The following ABCC12 variants were observed in gnomAD, a reference collection of about 807,000 sequenced individuals.
The protein encoded by ABCC12 is ATP binding cassette subfamily C member 12, also known as ATP-binding cassette sub-family C member 12.
A neutral mutation model predicts 151.1 loss-of-function variants in ABCC12; 142 were observed. That is an observed-to-expected ratio of 0.94 (90% confidence interval 0.82 to 1.08). The LOEUF (loss-of-function observed/expected upper bound fraction) is 1.08. ABCC12 is among the 50% of genes least tolerant of loss of function. The pLI is 0.00. For missense variants in ABCC12, 1,638 were observed against 1,691.1 expected, an observed-to-expected ratio of 0.97 and a Z score of 0.55; for synonymous variants, 645 against 646.4, an observed-to-expected ratio of 1.00 and a Z score of 0.03.
chr16:48,149,148 A>G (rs1265029354), intron 2 of ABCC12, among the ~76,000 whole-genome samples: 1 of 151,932 alleles, frequency 6.6e-6, no homozygotes, highest in Non-Finnish European at 1.5e-5. Context: ...ATAAATTATA[A>G]CATTGTGTTA....
intron 2 of ABCC12, among the ~76,000 whole-genome samples, chr16:48,151,258 G>A (rs896469882): frequency 2.6e-5 from 4 of 152,176 alleles, no homozygotes; most frequent in South Asian, 2.1e-4. Flanking sequence ...TCATAACGCC[G>A]GTCTAATCAT....
rs566223098 is a variant in ABCC12 at position 48,114,600 on chromosome 16, C to A, written c.1989+815G>T. The stretch of plus-strand genomic sequence containing the variant: ...AATCTCTCGTCGGGCAAGGAGACAC[C>A]CACGTGCACGCATGAACACACACGT... On this transcript the variant is annotated intron_variant, in intron 15 of 30. Transcript: ENST00000311303. 2.0e-5 allele frequency among the ~76,000 whole-genome samples: 3 copies of A among 152,296 alleles called. No homozygotes were observed. In the East Asian group the frequency reaches 5.8e-4, roughly 29 times the overall value.
At position 48,111,670 on chromosome 16, in the gene ABCC12, C is replaced by G. The variant is rs765757219; in HGVS notation, c.2125-8G>C. 1 of 1,614,102 alleles carries G rather than the reference C, an allele frequency of 6.2e-7. No homozygotes were observed. Among genetic ancestry groups the G allele is most frequent in the Non-Finnish European group, 8.5e-7 (1 of 1,180,018 alleles). ...GTAAAGGTGTTCAGGATCCTGGAGA[C>G]AAAATGAAATTCCTTCTGAATGCTA... is the stretch of plus-strand genomic sequence containing the variant. On this transcript the variant is annotated splice_region_variant and splice_polypyrimidine_tract_variant and intron_variant, in intron 16 of 30. Transcript: ENST00000311303.
At chr16:48,119,778 G>T (rs1163453830) in intron 13 of ABCC12, among the ~76,000 whole-genome samples, 2 of 152,204 alleles carry the variant, frequency 1.3e-5, no homozygotes, top group Non-Finnish European at 2.9e-5. Context: ...GCATTGTGAT[G>T]CCTGGGAAGG....
At chr16:48,130,416 C>T (rs1296061530) in intron 10 of ABCC12, among the ~76,000 whole-genome samples, 2 of 152,192 alleles carry the variant, frequency 1.3e-5, no homozygotes, top group Non-Finnish European at 2.9e-5. Flanking sequence ...GGGACCCCAA[C>T]ATCCTCTTCA....
At position 48,117,286 on chromosome 16, in the gene ABCC12, T is replaced by C; in HGVS notation, c.1760A>G (p.Asn587Ser). Residue 587 changes from asparagine (N) to serine (S), a missense_variant, in exon 14 of 31, where the codon AAC (asparagine) becomes AGC (serine). Coordinates refer to ENST00000311303, the MANE Select transcript of ABCC12 (RefSeq NM_001393797.1). ...RVCGLQKDLS[N>S]LPYGDLTEIG... ...CTCAGTCAGGTCTCCATAGGGGAGG[T>C]TGCTCAGGTCCTTCTGGAGGCCACA... 6.2e-7 allele frequency: 1 copy of C among 1,613,604 alleles called. No individual in the cohort carries two copies. Among genetic ancestry groups the C allele is most frequent in the East Asian group, 2.2e-5 (1 of 44,848 alleles).
At position 48,133,695 on chromosome 16, in the gene ABCC12, C is replaced by T. The variant is rs917072595; in HGVS notation, c.1120G>A (p.Ala374Thr). The T allele has an allele frequency of 9.9e-6, 16 of 1,613,560 alleles. No homozygotes were observed. The highest frequency in any genetic ancestry group is 4.4e-5 in the South Asian group (4 of 90,998). Residue 374 changes from alanine (A) to threonine (T), a missense_variant, in exon 9 of 31, where the codon GCA becomes ACA. Transcript: ENST00000311303. ...CHILLRRKLT[A>T]PVAFSVIAMF... is the part of the protein sequence containing the mutation. ...CTGGAGCCAGCTCTTACCACGGGTGCGGTGAGTTTGCGTCTCAGGAGGATG... is the reference window on the plus strand; with the variant it reads ...CTGGAGCCAGCTCTTACCACGGGTGTGGTGAGTTTGCGTCTCAGGAGGATG...
Position 48,111,845 on chromosome 16 carries a change from G to A in ABCC12, c.2055C>T (p.His685=). The A allele has an allele frequency of 6.2e-7, 1 of 1,614,136 alleles. No homozygotes were observed. Reference sequence around the variant, plus strand: ...GCCCTCTCTCCTCCATTAACTCCTTGTGGGTTCCCTTTTCACAAATCTCTC... The same window carrying A: ...GCCCTCTCTCCTCCATTAACTCCTTATGGGTTCCCTTTTCACAAATCTCTC... ...EDGEICEKGT[H]KELMEERGRY... The change falls in exon 16 of 31, where the codon CAC becomes CAT. Residue 685 remains histidine, a synonymous_variant. Transcript: ENST00000311303.
intron 10 of ABCC12, among the ~76,000 whole-genome samples, chr16:48,130,580 G>A (rs765502121): frequency 6.6e-5 from 10 of 152,302 alleles, no homozygotes; most frequent in South Asian, 2.1e-4. Flanking sequence ...AGATTATCTC[G>A]TCATTCCTAC....
At chr16:48,094,506 G>A (rs374954434) in intron 24 of ABCC12, among the ~76,000 whole-genome samples, 7 of 152,184 alleles carry the variant, frequency 4.6e-5, no homozygotes, top group African/African-American at 1.7e-4. Flanking sequence ...GGCCCACAAA[G>A]AGGCTGGCTG....
chr16:48,086,535 G>T, intron 28 of ABCC12: 1 of 552,356 alleles, frequency 1.8e-6, no homozygotes. Context: ...TACATGTAGT[G>T]CTCTTGACTG....
At chr16:48,138,441 A>T in intron 7 of ABCC12, 66 bp from the exon 8 acceptor site, 1 of 1,525,274 alleles carries the variant, frequency 6.6e-7, no homozygotes, top group Non-Finnish European at 8.9e-7. Flanking sequence ...CTAAAAATCC[A>T]GAAATGGGAG....
intron 9 of ABCC12, among the ~76,000 whole-genome samples, chr16:48,133,112 T>C (rs1334904037): frequency 6.6e-6 from 1 of 152,242 alleles, no homozygotes; most frequent in Admixed American, 6.5e-5. Flanking sequence ...CATTTTTTTT[T>C]CCACACTTAA....
rs138096651 is a variant in ABCC12 at position 48,133,761 on chromosome 16, T to C, written c.1054A>G (p.Ile352Val). Residue 352 changes from isoleucine to valine, a missense_variant, in exon 9 of 31, where the codon ATC (isoleucine) becomes GTC (valine). Ile to Val is a conservative substitution (Grantham distance 29). Transcript: ENST00000311303. ...AGCACGATGGCTATGGTGGACACGA[T>C]GGGGGCCAGGGCAGAGTTTCCACTT... The part of the protein sequence containing the change: ...VQSGNSALAP[I>V]VSTIAIVLTL... The C allele has an allele frequency of 6.8e-6, 11 of 1,613,974 alleles. No individual in the cohort carries two copies. The Middle Eastern group carries it at 4.9e-4, about 72-fold the overall frequency.
chr16:48,124,221 G>A lies in ABCC12; in HGVS notation c.1579C>T (p.Leu527=). ...CTCATCACACAGCTTACCTGTCCTAGGAGAGCTGCAAGGAGGGAGCTCTTT... is the reference window on the plus strand; with the variant it reads ...CTCATCACACAGCTTACCTGTCCTAAGAGAGCTGCAAGGAGGGAGCTCTTT... ...SGKSSLLAAL[L]GQMQLQKGVV... The change falls in exon 12 of 31, where the codon CTA becomes TTA. Residue 527 remains leucine, a synonymous_variant. Coordinates refer to ENST00000311303, the MANE Select transcript of ABCC12 (RefSeq NM_001393797.1). 1 of 1,614,050 alleles carries A rather than the reference G, an allele frequency of 6.2e-7. No individual in the cohort carries two copies. The highest frequency in any genetic ancestry group is 8.5e-7 in the Non-Finnish European group (1 of 1,179,892).
intron 8 of ABCC12, among the ~76,000 whole-genome samples, chr16:48,134,537 C>T (rs975613292): frequency 1.3e-5 from 2 of 152,214 alleles, no homozygotes; most frequent in African/African-American, 4.8e-5. Flanking sequence ...GATCCATTGG[C>T]ACACAGACCT....
At chr16:48,133,643 G>A (rs780757754) in intron 9 of ABCC12, 44 bp downstream of exon 9, 32 of 1,601,150 alleles carry the variant, frequency 2.0e-5, no homozygotes, top group South Asian at 8.9e-5. Flanking sequence ...GGGACTTGCC[G>A]GGGTCAGGTT....
At position 48,096,870 on chromosome 16, in the gene ABCC12, C is replaced by T. The variant is rs36102575; in HGVS notation, c.3071G>A (p.Trp1024Ter). The T allele has an allele frequency of 0.028, 44,519 of 1,614,062 alleles. 733 individuals carry two copies. Among genetic ancestry groups the T allele is most frequent in the Middle Eastern group, 0.039 (237 of 6,058 alleles). The change falls in exon 24 of 31, where the codon TGG becomes TAG. Residue 1024 changes from tryptophan (W) to a stop codon, truncating the protein, a stop_gained. Coordinates refer to ENST00000311303, the MANE Select transcript of ABCC12 (RefSeq NM_001393797.1). LOFTEE classifies it high-confidence loss of function. ...GAGGACATCCATTCTCAGCGCAAAC[C>T]ACCTGAGAGCACAGTTAAAGTAGAG... Reference protein sequence around the residue: ...HLLYFNCALRWFALRMDVLMN... With the variant: ...HLLYFNCALR
intron 6 of ABCC12, among the ~76,000 whole-genome samples, chr16:48,140,364 T>A (rs1964761859): frequency 1.3e-5 from 2 of 152,332 alleles, no homozygotes; most frequent in Non-Finnish European, 2.9e-5. Context: ...TCATCCATTT[T>A]ATTAAATGCC....
Sources: gnomAD v4.1 joint callset for allele counts (sites outside exome capture counted in the v4.1 genomes callset) on GRCh38, gnomAD v4.1.1 for gene constraint, MANE v1.5 for transcripts, NCBI Gene and HGNC (gene_info 2026-07-23, HGNC 2026-07-21) for gene names.